MARCHF1: variants seen among roughly 807,000 people sequenced by gnomAD.
The protein encoded by MARCHF1 is E3 ubiquitin-protein ligase MARCHF1.
In MARCHF1, 40 loss-of-function variants were observed where a neutral mutation model predicts 54.2. That is an observed-to-expected ratio of 0.74 (90% CI 0.57 to 0.96). The LOEUF (loss-of-function observed/expected upper bound fraction) is 0.96. Among genes scored for constraint, MARCHF1 ranks in the 40% least tolerant of loss-of-function variants. The pLI is 0.00. For missense variants in MARCHF1, 586 were observed against 656.5 expected (o/e 0.89, Z 1.17); for synonymous variants, 236 against 236.3 (o/e 1.00, Z 0.01).
intron 1 of MARCHF1, among the ~76,000 whole-genome samples, chr4:164,369,885 G>C (rs1730986996): frequency 6.6e-6 from 1 of 152,082 alleles, no homozygotes; most frequent in Non-Finnish European, 1.5e-5. Context: ...TAAGGTTGCT[G>C]GATGAAAAAT....
intron 3 of MARCHF1, among the ~76,000 whole-genome samples, chr4:163,955,894 G>C (rs150955937): frequency 5.0e-4 from 76 of 152,124 alleles, no homozygotes; most frequent in African/African-American, 1.8e-3. Flanking sequence ...TTTGAACACA[G>C]ATGCTAAAAA....
intron 1 of MARCHF1, among the ~76,000 whole-genome samples, chr4:164,228,556 T>C (rs1032702155): frequency 6.6e-6 from 1 of 152,200 alleles, no homozygotes; most frequent in East Asian, 1.9e-4. Context: ...GAGAAAAACA[T>C]GTTTTTCTTA....
chr4:164,208,893 T>C (rs1288511364), intron 1 of MARCHF1, among the ~76,000 whole-genome samples: 2 of 152,068 alleles, frequency 1.3e-5, no homozygotes, highest in Non-Finnish European at 2.9e-5. Flanking sequence ...CAGGTTGCAG[T>C]GAGCTGAGAT....
At position 163,854,016 on chromosome 4, in the gene MARCHF1, C is replaced by T. The variant is rs1459586582; in HGVS notation, c.111+5G>A. 1 of 1,536,192 alleles carries T rather than the reference C, an allele frequency of 6.5e-7. No individual in the cohort carries two copies. The highest frequency in any genetic ancestry group is 8.7e-7 in the Non-Finnish European group (1 of 1,146,382). On this transcript the variant is annotated splice_donor_5th_base_variant and intron_variant, in intron 4 of 9. Transcript: ENST00000514618. ...CAATTTGAGGTAAAGTAACTTTCCA[C>T]TCACCAATGTGGAGGTTTGTGAGGC...
chr4:163,881,186 C>A (rs1350358273), intron 3 of MARCHF1, among the ~76,000 whole-genome samples: 3 of 152,102 alleles, frequency 2.0e-5, no homozygotes, highest in Non-Finnish European at 4.4e-5. Context: ...ATAAAATTAT[C>A]CAACAAGGCC....
At chr4:164,243,161 C>T (rs1170737073) in intron 1 of MARCHF1, among the ~76,000 whole-genome samples, 1 of 131,330 alleles carries the variant, frequency 7.6e-6, no homozygotes, top group Non-Finnish European at 1.6e-5. Context: ...AGAGCAACTC[C>T]AAGACACATA....
In MARCHF1 at chr4:164,206,826, T is replaced by C. The variant is rs552534230; in HGVS notation, c.-322-95164A>G. On this transcript the variant is annotated intron_variant, in intron 1 of 9. Coordinates refer to ENST00000514618, the MANE Select transcript of MARCHF1 (RefSeq NM_001394959.1). ...AATATATATTGGGAATTAGTCACTA[T>C]ACTTAATAATTTTATTTAATAATTG... Among the ~76,000 whole-genome samples, 37 of 152,240 alleles carry C rather than the reference T, an allele frequency of 2.4e-4. 1 individual carries two copies. Among genetic ancestry groups the C allele is most frequent in the South Asian group, 1.9e-3 (9 of 4,828 alleles).
intron 4 of MARCHF1, among the ~76,000 whole-genome samples, chr4:163,768,806 T>C (rs1399491719): frequency 6.6e-6 from 1 of 152,146 alleles, no homozygotes; most frequent in African/African-American, 2.4e-5. Flanking sequence ...GGCAGATAGG[T>C]AGCAAAGTAA....
chr4:163,767,295 C>A (rs1157856279), intron 4 of MARCHF1, among the ~76,000 whole-genome samples: 1 of 150,946 alleles, frequency 6.6e-6, no homozygotes, highest in Non-Finnish European at 1.5e-5. Context: ...TAGTTATCAA[C>A]AGAGAACACG....
At chr4:163,975,197 C>A (rs1236381514) in intron 3 of MARCHF1, among the ~76,000 whole-genome samples, 1 of 128,000 alleles carries the variant, frequency 7.8e-6, no homozygotes, top group Admixed American at 7.6e-5. Flanking sequence ...CTCTCTCTCT[C>A]ACACACACAC....
chr4:164,022,816 T>C (rs928123911), intron 2 of MARCHF1, among the ~76,000 whole-genome samples: 5 of 152,210 alleles, frequency 3.3e-5, no homozygotes, highest in African/African-American at 1.2e-4. Flanking sequence ...ATCTGTTGCA[T>C]AGGCCTTCCT....
chr4:163,879,710 C>A (rs932617917), intron 3 of MARCHF1, among the ~76,000 whole-genome samples: 6 of 151,832 alleles, frequency 4.0e-5, no homozygotes, highest in African/African-American at 1.5e-4. Flanking sequence ...AAAAAAGTCA[C>A]ATTTTACTTT....
chr4:164,261,379 A>G (rs1315611954), intron 1 of MARCHF1, among the ~76,000 whole-genome samples: 4 of 152,202 alleles, frequency 2.6e-5, no homozygotes, highest in Non-Finnish European at 5.9e-5. Context: ...TCAGTTGTCC[A>G]AAATCATACA....
At chr4:163,786,967 C>T (rs1265188131) in intron 4 of MARCHF1, among the ~76,000 whole-genome samples, 7 of 151,852 alleles carry the variant, frequency 4.6e-5, no homozygotes, top group African/African-American at 9.6e-5. Context: ...GACAAGGATG[C>T]CAATACTACA....
At chr4:164,276,924 G>A (rs1179003353) in intron 1 of MARCHF1, among the ~76,000 whole-genome samples, 1 of 115,490 alleles carries the variant, frequency 8.7e-6, no homozygotes, top group Non-Finnish European at 1.8e-5. Flanking sequence ...TTAGGGAAAT[G>A]TCTCATATTC....
At chr4:164,189,064 T>C in intron 1 of MARCHF1, 1 of 688,668 alleles carries the variant, frequency 1.5e-6, no homozygotes, top group Non-Finnish European at 2.7e-6. Flanking sequence ...TGGCAGAACC[T>C]TCAATGCGTC....
chr4:163,932,884 G>A (rs1454454573), intron 3 of MARCHF1: 1 of 633,362 alleles, frequency 1.6e-6, no homozygotes, highest in Non-Finnish European at 3.1e-6. Flanking sequence ...AAAATGAAGG[G>A]TGATTACTTC....
At chr4:164,197,234 C>T (rs1218328503) in intron 1 of MARCHF1, 3 of 1,610,648 alleles carry the variant, frequency 1.9e-6, no homozygotes, top group East Asian at 2.2e-5. Flanking sequence ...AGGCCCTCCA[C>T]GTGGTCCTCA....
chr4:164,237,458 A>G (rs1381246560), intron 1 of MARCHF1, among the ~76,000 whole-genome samples: 1 of 152,066 alleles, frequency 6.6e-6, no homozygotes, highest in African/African-American at 2.4e-5. Flanking sequence ...TATTATCTGT[A>G]GGTGTTTTTA....
Sources: gnomAD v4.1 joint callset for allele counts (sites outside exome capture counted in the v4.1 genomes callset) on GRCh38, gnomAD v4.1.1 for gene constraint, MANE v1.5 for transcripts, NCBI Gene and HGNC (gene_info 2026-07-23, HGNC 2026-07-21) for gene names.